The following ZEB2 variants were observed in gnomAD, a reference collection of about 807,000 sequenced individuals.
ZEB2 encodes zinc finger E-box binding homeobox 2.
Under a neutral mutation model 99.9 loss-of-function variants are expected in ZEB2, and 6 were observed. The observed-to-expected ratio is 0.06, with a 90% CI of 0.03 to 0.12. The LOEUF (loss-of-function observed/expected upper bound fraction) is 0.12, where lower values mean the gene tolerates loss of function less well. ZEB2 is among the 10% of genes least tolerant of loss of function. The probability of loss-of-function intolerance (pLI) is 1.00; values close to 1 mark genes in which losing one functional copy is unlikely to be tolerated. For missense variants in ZEB2, 969 were observed against 1,502.8 expected, an observed-to-expected ratio of 0.64 and a Z score of 5.87; for synonymous variants, 517 against 542.5, an observed-to-expected ratio of 0.95 and a Z score of 0.65.
At chr2:144,404,208 C>A in intron 5 of ZEB2, 78 bp from the exon 6 acceptor site, 1 of 1,502,556 alleles carries the variant, frequency 6.7e-7, no homozygotes, top group East Asian at 2.3e-5. Flanking sequence ...GCTGACTGCC[C>A]GGGATGGTAT....
At chr2:144,485,185 G>T (rs1036079747) in intron 2 of ZEB2, among the ~76,000 whole-genome samples, 3 of 152,112 alleles carry the variant, frequency 2.0e-5, no homozygotes, top group African/African-American at 7.2e-5. Context: ...CTACCCAATG[G>T]GAAAAGTCTG....
rs148994560 is a variant in ZEB2, at chr2:144,445,970, G to A, written c.74-15944C>T. Among the ~76,000 whole-genome samples the A allele has an allele frequency of 2.6e-5, 4 of 152,224 alleles. No individual in the cohort carries two copies. In the East Asian group the frequency reaches 7.7e-4, roughly 29 times the overall value. ...GTATCCATACTTTGGCTTTTCAGTCGCATTTGTTGCATCAGCCTTTCAGAA... is the reference window on the plus strand; with the variant it reads ...GTATCCATACTTTGGCTTTTCAGTCACATTTGTTGCATCAGCCTTTCAGAA... On this transcript the variant is annotated intron_variant, in intron 2 of 9. Coordinates refer to ENST00000627532, the MANE Select transcript of ZEB2 (RefSeq NM_014795.4).
chr2:144,471,425 C>T lies in ZEB2; in HGVS notation c.74-41399G>A, dbSNP rs544715588. Among the ~76,000 whole-genome samples, 15 of 152,156 alleles carry T rather than the reference C, an allele frequency of 9.9e-5. No homozygotes were observed. The South Asian group carries it at 2.7e-3, about 27-fold the overall frequency. On this transcript the variant is annotated intron_variant, in intron 2 of 9. Coordinates refer to ENST00000627532, the MANE Select transcript of ZEB2 (RefSeq NM_014795.4). ...ATTCCAACCTTCCAGAGCAGTTACC[C>T]AGGCAGCACAGCTAAAAAGTTCCAT...
chr2:144,434,186 T>A (rs896797567), intron 2 of ZEB2, among the ~76,000 whole-genome samples: 17 of 152,200 alleles, frequency 1.1e-4, no homozygotes, highest in Non-Finnish European at 2.2e-4. Context: ...AAATTACATA[T>A]GCAGCTTATA....
At chr2:144,515,652 A>G (rs1170512167) in intron 2 of ZEB2, among the ~76,000 whole-genome samples, 1 of 151,996 alleles carries the variant, frequency 6.6e-6, no homozygotes, top group Non-Finnish European at 1.5e-5. Context: ...TAGATCAAAG[A>G]CAGCACAAAG....
At position 144,429,861 on chromosome 2, in the gene ZEB2, G is replaced by A. The variant is rs1239666726; in HGVS notation, c.239C>T (p.Pro80Leu). The change falls in exon 3 of 10, where the codon CCA (proline) becomes CTA (leucine). Residue 80 changes from proline (P) to leucine (L), a missense_variant. Pro to Leu is a moderately conservative substitution (Grantham distance 98). This residue lies in a region of ZEB2 where 173 missense variants were observed against 217.7 expected (regional missense o/e 0.79). Transcript: ENST00000627532. ...TATTTCATCTTCCTCTTCCTCTCTT[G>A]GCAACAGAGCTTGGCTCACGTGTGG... The part of the protein sequence containing the change: ...SSPHVSQALL[P>L]REEEEDEIRE... 1.2e-6 allele frequency: 2 copies of A among 1,613,682 alleles called. No homozygotes were observed. The highest frequency in any genetic ancestry group is 1.7e-6 in the Non-Finnish European group (2 of 1,179,822).
intron 9 of ZEB2, among the ~76,000 whole-genome samples, chr2:144,395,357 C>CA (rs1273057802): frequency 6.6e-6 from 1 of 151,836 alleles, no homozygotes; most frequent in Non-Finnish European, 1.5e-5. Context: ...GCTTTTCCCC[C>CA]AAAAAGCTTT....
chr2:144,517,935 A>T, intron 1 of ZEB2: 1 of 390,210 alleles, frequency 2.6e-6, no homozygotes, highest in African/African-American at 2.1e-5. Context: ...TAGGAAGCCC[A>T]CTCGCCCAGC....
At chr2:144,416,506 T>C (rs556767580) in intron 4 of ZEB2, among the ~76,000 whole-genome samples, 21 of 152,366 alleles carry the variant, frequency 1.4e-4, no homozygotes, top group African/African-American at 3.8e-4. Context: ...TACTGCTGAC[T>C]GATAGTCTCT....
chr2:144,407,037 T>G (rs532836525), intron 4 of ZEB2, among the ~76,000 whole-genome samples: 1 of 152,316 alleles, frequency 6.6e-6, no homozygotes, highest in South Asian at 2.1e-4. Flanking sequence ...CCAAATTTGA[T>G]GGATGGTAGG....
intron 2 of ZEB2, chr2:144,516,828 C>T (rs1190229204): frequency 6.6e-6 from 1 of 152,102 alleles, no homozygotes; most frequent in Non-Finnish European, 1.5e-5. Flanking sequence ...CCTCTCCTGC[C>T]TTCGCAGTCT....
At chr2:144,510,779 C>T (rs1422284478) in intron 2 of ZEB2, among the ~76,000 whole-genome samples, 3 of 151,920 alleles carry the variant, frequency 2.0e-5, no homozygotes, top group Non-Finnish European at 4.4e-5. Context: ...AGCCTGCCGG[C>T]GGTGAAAGGG....
At chr2:144,474,193 T>A (rs556570526) in intron 2 of ZEB2, among the ~76,000 whole-genome samples, 3 of 152,304 alleles carry the variant, frequency 2.0e-5, no homozygotes, top group Admixed American at 2.0e-4. Flanking sequence ...ACCAGATGGA[T>A]GGCCTCACAT....
intron 3 of ZEB2, 34 bp from the exon 4 acceptor site, chr2:144,424,901 T>C (rs925799697): frequency 2.5e-6 from 4 of 1,608,930 alleles, no homozygotes; most frequent in Non-Finnish European, 3.4e-6. Flanking sequence ...CATTTGAGAA[T>C]TGTAGAAAGG....
intron 3 of ZEB2, chr2:144,426,654 A>G (rs924093855): frequency 2.0e-5 from 3 of 152,188 alleles, no homozygotes; most frequent in African/African-American, 7.2e-5. Flanking sequence ...ATGTGTAGTC[A>G]GCACATTGTG....
intron 4 of ZEB2, among the ~76,000 whole-genome samples, chr2:144,414,280 A>T (rs1051461022): frequency 4.6e-5 from 7 of 152,142 alleles, no homozygotes; most frequent in Admixed American, 4.6e-4. Context: ...ATTTTGTGAG[A>T]CATGAACAGG....
chr2:144,471,487 G>T (rs1466047553), intron 2 of ZEB2, among the ~76,000 whole-genome samples: 4 of 151,362 alleles, frequency 2.6e-5, no homozygotes, highest in African/African-American at 9.7e-5. Flanking sequence ...GACAGAGGTA[G>T]TTATTGTCAT....
At chr2:144,512,542 C>A (rs1340692179) in intron 2 of ZEB2, 9 of 1,287,040 alleles carry the variant, frequency 7.0e-6, no homozygotes, top group Non-Finnish European at 9.1e-6. Context: ...GAGCAGGGAA[C>A]TTTAATCTTG....
chr2:144,486,067 T>C (rs1704591216), intron 2 of ZEB2, among the ~76,000 whole-genome samples: 1 of 152,248 alleles, frequency 6.6e-6, no homozygotes, highest in Non-Finnish European at 1.5e-5. Context: ...ATACCAATAG[T>C]GACATATATT....
Sources: gnomAD v4.1 joint callset for allele counts (sites outside exome capture counted in the v4.1 genomes callset) on GRCh38, gnomAD v4.1.1 for gene constraint, gnomAD v4.1.1 regional missense constraint, MANE v1.5 for transcripts, NCBI Gene and HGNC (gene_info 2026-07-23, HGNC 2026-07-21) for gene names.